The following ZDHHC20 variants were observed in gnomAD, a reference collection of about 807,000 sequenced individuals.
The protein encoded by ZDHHC20 is palmitoyltransferase ZDHHC20.
Under a neutral mutation model 57.8 loss-of-function variants are expected in ZDHHC20, and 43 were observed. That is an observed-to-expected ratio of 0.74 (90% confidence interval 0.58 to 0.96). The LOEUF (loss-of-function observed/expected upper bound fraction) is 0.96. Ranked by LOEUF, ZDHHC20 falls within the 40% of genes least tolerant of loss-of-function variation. ZDHHC20 has a pLI of 0.00. For missense variants in ZDHHC20, 391 were observed against 441.1 expected (o/e 0.89, Z 1.02); for synonymous variants, 157 against 153.0 (o/e 1.03, Z -0.19).
chr13:21,400,326 A>G (rs745459175), intron 7 of ZDHHC20, 47 bp downstream of exon 7: 16 of 1,491,896 alleles, frequency 1.1e-5, no homozygotes, highest in Non-Finnish European at 1.4e-5. Flanking sequence ...GGAAGATAGC[A>G]TCTTAAAGTC....
intron 1 of ZDHHC20, among the ~76,000 whole-genome samples, chr13:21,435,654 T>C (rs917929941): frequency 5.9e-5 from 9 of 152,212 alleles, no homozygotes; most frequent in African/African-American, 2.2e-4. Flanking sequence ...TTCTAACTAG[T>C]AAATGTAGAA....
chr13:21,408,060 C>T (rs9580105), intron 4 of ZDHHC20, among the ~76,000 whole-genome samples: 24,236 of 152,084 alleles, frequency 0.16, 2,635 homozygotes, highest in Non-Finnish European at 0.25. Flanking sequence ...TGTGATGCCT[C>T]CATCTTTGTT....
chr13:21,455,988 T>TA (rs1229170695), intron 1 of ZDHHC20, among the ~76,000 whole-genome samples: 1 of 152,194 alleles, frequency 6.6e-6, no homozygotes, highest in African/African-American at 2.4e-5. Context: ...ACTGGCTCTA[T>TA]AACCGTGGAC....
chr13:21,459,085 G>A lies in ZDHHC20; in HGVS notation c.87C>T (p.Ser29=). 1 of 1,606,056 alleles carries A rather than the reference G, an allele frequency of 6.2e-7. No individual in the cohort carries two copies. Among genetic ancestry groups the A allele is most frequent in the Non-Finnish European group, 8.5e-7 (1 of 1,176,974 alleles). The stretch of plus-strand genomic sequence containing the variant: ...AGAGCTCCACCACGTACGCGTAGTA[G>A]GACCAGACGACCACGAAGGTGATGA... ...VLFITFVVVW[S]YYAYVVELCV... Residue 29 remains serine (S), a synonymous_variant, in exon 1 of 13, where the codon TCC becomes TCT. Coordinates refer to ENST00000400590, the MANE Select transcript of ZDHHC20 (RefSeq NM_001330059.2).
chr13:21,406,847 A>G (rs1446190338), intron 4 of ZDHHC20, among the ~76,000 whole-genome samples: 2 of 152,172 alleles, frequency 1.3e-5, no homozygotes, highest in African/African-American at 4.8e-5. Flanking sequence ...ATAAACATAC[A>G]TGTGCATGTG....
rs990304093 is a variant in ZDHHC20, at chr13:21,425,263, C to T, written c.145+389G>A. The stretch of plus-strand genomic sequence containing the variant: ...ATTGCGATTTTAACAAATGCCTAAA[C>T]GAGAACCATCAATAAAATTTAGACA... On this transcript the variant is annotated intron_variant, in intron 2 of 12. Coordinates refer to ENST00000400590, the MANE Select transcript of ZDHHC20 (RefSeq NM_001330059.2). Among the ~76,000 whole-genome samples, 8 of 151,966 alleles carry T rather than the reference C, an allele frequency of 5.3e-5. No individual in the cohort carries two copies. In the East Asian group the frequency reaches 1.2e-3, roughly 22 times the overall value.
intron 11 of ZDHHC20, among the ~76,000 whole-genome samples, chr13:21,381,075 C>T (rs1056477895): frequency 1.3e-4 from 20 of 151,766 alleles, no homozygotes; most frequent in African/African-American, 4.4e-4. Flanking sequence ...GGCGCGATCT[C>T]AGCTCACTGC....
intron 12 of ZDHHC20, chr13:21,377,115 A>C (rs1443832026): frequency 6.1e-6 from 1 of 163,408 alleles, no homozygotes; most frequent in Non-Finnish European, 1.3e-5. Context: ...ACTACTCCAC[A>C]GCTCCAGCTC....
chr13:21,399,660 C>T (rs987927712), intron 7 of ZDHHC20, among the ~76,000 whole-genome samples: 1 of 152,062 alleles, frequency 6.6e-6, no homozygotes, highest in Non-Finnish European at 1.5e-5. Context: ...TAAGTGCCCT[C>T]CCCAGAGGCA....
At chr13:21,411,297 T>G (rs187690486) in intron 4 of ZDHHC20, among the ~76,000 whole-genome samples, 2 of 152,328 alleles carry the variant, frequency 1.3e-5, no homozygotes, top group Non-Finnish European at 2.9e-5. Context: ...ACTGGAGCTG[T>G]TCCTATTTGG....
chr13:21,408,588 T>C (rs544197896), intron 4 of ZDHHC20, among the ~76,000 whole-genome samples: 3 of 152,206 alleles, frequency 2.0e-5, no homozygotes, highest in African/African-American at 4.8e-5. Flanking sequence ...CTCTTCCTAT[T>C]TGAATACCCT....
intron 7 of ZDHHC20, among the ~76,000 whole-genome samples, chr13:21,396,457 T>C (rs1876802275): frequency 6.6e-6 from 1 of 152,040 alleles, no homozygotes; most frequent in Non-Finnish European, 1.5e-5. Flanking sequence ...AACAGACAGG[T>C]ATCATATATA....
intron 7 of ZDHHC20, among the ~76,000 whole-genome samples, chr13:21,395,747 G>A (rs1249082173): frequency 4.0e-5 from 6 of 151,732 alleles, no homozygotes; most frequent in South Asian, 2.1e-4. Context: ...TGATCCGCTC[G>A]CCTCAGCCTC....
chr13:21,424,936 T>G (rs972047119), intron 2 of ZDHHC20, among the ~76,000 whole-genome samples: 1 of 152,190 alleles, frequency 6.6e-6, no homozygotes, highest in Non-Finnish European at 1.5e-5. Flanking sequence ...AATTTAATAT[T>G]TACATACTTA....
At chr13:21,438,568 G>T (rs1423174692) in intron 1 of ZDHHC20, among the ~76,000 whole-genome samples, 2 of 152,208 alleles carry the variant, frequency 1.3e-5, no homozygotes, top group African/African-American at 2.4e-5. Flanking sequence ...GAAGAGAAAA[G>T]AAAATGGTTT....
intron 4 of ZDHHC20, among the ~76,000 whole-genome samples, chr13:21,411,328 G>A (rs974813432): frequency 2.0e-5 from 3 of 152,176 alleles, no homozygotes; most frequent in African/African-American, 4.8e-5. Context: ...CCGATTGACC[G>A]AGTATGTTAT....
chr13:21,444,512 G>A (rs1163660795), intron 1 of ZDHHC20, among the ~76,000 whole-genome samples: 2 of 152,040 alleles, frequency 1.3e-5, no homozygotes, highest in Non-Finnish European at 1.5e-5. Context: ...TGATAATAAC[G>A]GGTACTTTCA....
chr13:21,437,964 T>G (rs998900172), intron 1 of ZDHHC20, among the ~76,000 whole-genome samples: 1 of 152,254 alleles, frequency 6.6e-6, no homozygotes, highest in Non-Finnish European at 1.5e-5. Context: ...ATTCTGGGAT[T>G]ACAGGCGTGA....
In ZDHHC20 at chr13:21,455,140, C is replaced by T. The variant is rs889082780; in HGVS notation, c.118+3914G>A. Among the ~76,000 whole-genome samples the T allele has an allele frequency of 5.3e-5, 8 of 152,130 alleles. No homozygotes were observed. In the South Asian group the frequency reaches 6.2e-4, roughly 12 times the overall value. ...TTCACCGTGTTAGCCAGGATGGTTT[C>T]GATCTCCTGACCTCGTGATCCGCCT... On this transcript the variant is annotated intron_variant, in intron 1 of 12. Coordinates refer to ENST00000400590, the MANE Select transcript of ZDHHC20 (RefSeq NM_001330059.2).
Sources: gnomAD v4.1 joint callset for allele counts (sites outside exome capture counted in the v4.1 genomes callset) on GRCh38, gnomAD v4.1.1 for gene constraint, MANE v1.5 for transcripts, NCBI Gene and HGNC (gene_info 2026-07-23, HGNC 2026-07-21) for gene names.